Variants in SAMD3 observed in about 807,000 individuals in gnomAD.
SAMD3 encodes the protein sterile alpha motif domain-containing protein 3.
SAMD3 carries 63 observed loss-of-function variants against 58.5 expected under a neutral mutation model. The observed-to-expected ratio is 1.08, with a 90% confidence interval of 0.88 to 1.33. The LOEUF (loss-of-function observed/expected upper bound fraction) is 1.33. SAMD3 is among the 40% of genes most tolerant of loss of function. The pLI is 0.00. For synonymous variants in SAMD3, 220 were observed against 210.3 expected, an observed-to-expected ratio of 1.05 and a Z score of -0.40; for missense variants, 604 against 608.4, an observed-to-expected ratio of 0.99 and a Z score of 0.08.
At chr6:130,256,141 C>A (rs1773920576) in intron 2 of SAMD3, among the ~76,000 whole-genome samples, 1 of 150,654 alleles carries the variant, frequency 6.6e-6, no homozygotes, top group Non-Finnish European at 1.5e-5. Flanking sequence ...GCAAAAGCAC[C>A]AAATAGATAA....
rs187675527 is a variant in SAMD3 at position 130,200,473 on chromosome 6, C to T, written c.383+9022G>A. ...CTGAGGCAGGAGAATTGCTTGAACC[C>T]GGGAGGCAGAGCTTGCAGTGAGCCG... is the stretch of plus-strand genomic sequence containing the variant. On this transcript the variant is annotated intron_variant, in intron 5 of 11. Coordinates refer to ENST00000439090, the MANE Select transcript of SAMD3 (RefSeq NM_001017373.4). Among the ~76,000 whole-genome samples the T allele has an allele frequency of 1.5e-4, 22 of 143,086 alleles. No individual in the cohort carries two copies. In the East Asian group the frequency reaches 3.1e-3, roughly 20 times the overall value. The allele number at this position is 143,086 out of a possible 152,430, so 93.9% of individuals were successfully genotyped here.
At chr6:130,158,186 C>T (rs1789964120) in intron 8 of SAMD3, among the ~76,000 whole-genome samples, 2 of 152,140 alleles carry the variant, frequency 1.3e-5, no homozygotes, top group South Asian at 4.1e-4. Context: ...TCAAAAACCA[C>T]AATTTTTTTT....
intron 5 of SAMD3, among the ~76,000 whole-genome samples, chr6:130,201,503 A>T (rs1794651849): frequency 6.6e-6 from 1 of 152,220 alleles, no homozygotes; most frequent in South Asian, 2.1e-4. Context: ...TCAGTGTTTT[A>T]TAAGTACAAT....
chr6:130,182,972 T>C (rs1166585737), intron 7 of SAMD3: 1 of 183,262 alleles, frequency 5.5e-6, no homozygotes, highest in East Asian at 1.5e-4. Flanking sequence ...CCTTAACTCA[T>C]AAAGTTACAG....
chr6:130,345,254 C>A (rs1318697154), intron 1 of SAMD3, among the ~76,000 whole-genome samples: 3 of 152,028 alleles, frequency 2.0e-5, no homozygotes, highest in Non-Finnish European at 4.4e-5. Context: ...ACAAGTGGCT[C>A]CCCTGAAGAG....
intron 7 of SAMD3, among the ~76,000 whole-genome samples, chr6:130,182,003 T>C (rs1156776239): frequency 6.7e-6 from 1 of 149,754 alleles, no homozygotes; most frequent in African/African-American, 2.5e-5. Flanking sequence ...AGGCGGAGCT[T>C]GCAGTGAGTC....
chr6:130,341,858 C>T (rs985256316), intron 1 of SAMD3, among the ~76,000 whole-genome samples: 10 of 152,134 alleles, frequency 6.6e-5, no homozygotes, highest in South Asian at 4.1e-4. Flanking sequence ...ATGTGTTTTC[C>T]ACCTCTAAAC....
chr6:130,282,276 AG>A (rs1775008121), intron 2 of SAMD3, among the ~76,000 whole-genome samples: 1 of 152,202 alleles, frequency 6.6e-6, no homozygotes, highest in South Asian at 2.1e-4. Flanking sequence ...AGTCCTAAAG[AG>A]ATGGTAGTCT....
At chr6:130,310,991 C>T (rs538942904) in intron 2 of SAMD3, among the ~76,000 whole-genome samples, 6 of 152,218 alleles carry the variant, frequency 3.9e-5, no homozygotes, top group South Asian at 2.1e-4. Context: ...CAGCCCAATG[C>T]GAGGGCACTG....
chr6:130,183,093 A>C, intron 7 of SAMD3: 2 of 305,392 alleles, frequency 6.5e-6, no homozygotes, highest in South Asian at 5.9e-5. Context: ...TCCAGGAGAC[A>C]GGCAGGTTCA....
chr6:130,243,867 A>G (rs1773446611), intron 2 of SAMD3, among the ~76,000 whole-genome samples: 3 of 152,226 alleles, frequency 2.0e-5, no homozygotes, highest in African/African-American at 7.2e-5. Context: ...TTCAAAATGT[A>G]TCTGCTGCTA....
At chr6:130,143,463 C>T (rs911803078), downstream of SAMD3, among the ~76,000 whole-genome samples, 3 of 152,100 alleles carry the variant, frequency 2.0e-5, no homozygotes, top group Non-Finnish European at 4.4e-5. Context: ...AGGCTGGTCT[C>T]GAACTCCTGA....
At chr6:130,206,381 T>C (rs1795080475) in intron 5 of SAMD3, among the ~76,000 whole-genome samples, 1 of 152,074 alleles carries the variant, frequency 6.6e-6, no homozygotes, top group Non-Finnish European at 1.5e-5. Context: ...AGCAAGGAAA[T>C]GAGGCCAACT....
chr6:130,162,226 G>C, intron 8 of SAMD3: 1 of 701,098 alleles, frequency 1.4e-6, no homozygotes, highest in Non-Finnish European at 2.6e-6. Context: ...CACAGAGTTG[G>C]TTGTAATAGC....
rs764516558 is a variant in SAMD3 at position 130,184,043 on chromosome 6, ACAAGG to A, written c.654+55_654+59del. 18 of 1,351,664 alleles carry A rather than the reference ACAAGG, an allele frequency of 1.3e-5. No homozygotes were observed. The East Asian group carries it at 2.5e-4, about 19-fold the overall frequency. The allele number at this position is 1,351,664 out of a possible 1,614,324, so 83.7% of individuals were successfully genotyped here. On this transcript the variant is annotated intron_variant, in intron 7 of 11. Transcript: ENST00000439090. ...GTGAAGCATAAAATTACTGGGCAACACAAGGCAATTATTTTAAGATAGTCTGAAAT... is the reference window on the plus strand; with the variant it reads ...GTGAAGCATAAAATTACTGGGCAACACAATTATTTTAAGATAGTCTGAAAT...
chr6:130,345,034 G>C (rs907200492), intron 1 of SAMD3, among the ~76,000 whole-genome samples: 5 of 152,040 alleles, frequency 3.3e-5, no homozygotes, highest in African/African-American at 1.2e-4. Flanking sequence ...ACTAGGCTGT[G>C]ATTAAATTTC....
intron 2 of SAMD3, among the ~76,000 whole-genome samples, chr6:130,233,901 G>T (rs1385228327): frequency 6.6e-6 from 1 of 152,156 alleles, no homozygotes; most frequent in Non-Finnish European, 1.5e-5. Flanking sequence ...TCTGCAACCT[G>T]AATATAGCCC....
chr6:130,150,036 G>A (rs895877622), intron 9 of SAMD3, among the ~76,000 whole-genome samples: 3 of 152,068 alleles, frequency 2.0e-5, no homozygotes, highest in South Asian at 2.1e-4. Flanking sequence ...TTAAGCCTAC[G>A]CACATGGTGA....
chr6:130,350,835 GC>G lies in SAMD3; in HGVS notation c.-304+14284del, dbSNP rs568078100. Among the ~76,000 whole-genome samples, 14 of 152,190 alleles carry G rather than the reference GC, an allele frequency of 9.2e-5. No individual in the cohort carries two copies. In the East Asian group the frequency reaches 2.3e-3, roughly 25 times the overall value. On this transcript the variant is annotated intron_variant, in intron 1 of 13. Transcript: ENST00000368134. Reference sequence around the variant, plus strand: ...ACCTGACTTCAAACTATACTACAAGGCTACAGTAACCAAAACAGCATGGTAC... The same window carrying G: ...ACCTGACTTCAAACTATACTACAAGGTACAGTAACCAAAACAGCATGGTAC...
Sources: gnomAD v4.1 joint callset for allele counts (sites outside exome capture counted in the v4.1 genomes callset) on GRCh38, gnomAD v4.1.1 for gene constraint, MANE v1.5 for transcripts, NCBI Gene and HGNC (gene_info 2026-07-23, HGNC 2026-07-21) for gene names.